Variants in ZFPM1 observed in about 807,000 individuals in gnomAD.
The protein encoded by ZFPM1 is zinc finger protein ZFPM1.
ZFPM1 carries 28 observed loss-of-function variants against 46.3 expected under a neutral mutation model. That is an observed-to-expected ratio of 0.60 (90% confidence interval 0.45 to 0.83). The LOEUF (loss-of-function observed/expected upper bound fraction) is 0.83, where lower values mean the gene tolerates loss of function less well. Ranked by LOEUF, ZFPM1 falls within the 40% of genes least tolerant of loss-of-function variation. ZFPM1 has a pLI of 0.00. For synonymous variants in ZFPM1, 957 were observed against 675.9 expected (o/e 1.42, Z -6.45); for missense variants, 1,878 against 1,432.4 (o/e 1.31, Z -5.02).
At position 88,526,810 on chromosome 16, in the gene ZFPM1, C is replaced by CGG. The variant is rs1567553413; in HGVS notation, c.403-4_403-3insGG. On this transcript the variant is annotated splice_polypyrimidine_tract_variant and splice_region_variant and intron_variant, in intron 4 of 9. Transcript: ENST00000319555. ...CCCCACGTGTTCCTACCCTCCCCCCCCAGAGCCCAGCCCTGACCCTGCTGC... is the reference window on the plus strand; with the variant it reads ...CCCCACGTGTTCCTACCCTCCCCCCCGGCAGAGCCCAGCCCTGACCCTGCTGC... 1.3e-6 allele frequency: 2 copies of CGG among 1,545,732 alleles called. No homozygotes were observed. The highest frequency in any genetic ancestry group is 1.7e-6 in the Non-Finnish European group (2 of 1,143,806).
chr16:88,495,530 G>A (rs890659375), intron 3 of ZFPM1, among the ~76,000 whole-genome samples: 4 of 152,248 alleles, frequency 2.6e-5, no homozygotes, highest in South Asian at 4.1e-4. Flanking sequence ...GGCAGAGAGC[G>A]AGTCTCCCCC....
At chr16:88,499,861 C>T (rs1301330204) in intron 3 of ZFPM1, among the ~76,000 whole-genome samples, 2 of 152,200 alleles carry the variant, frequency 1.3e-5, no homozygotes, top group Middle Eastern at 3.2e-3. Flanking sequence ...CCCCAAGTCC[C>T]GTGGGCTCCC....
At chr16:88,453,705 C>T in intron 1 of ZFPM1, 27 bp downstream of exon 1, 1 of 1,181,726 alleles carries the variant, frequency 8.5e-7, no homozygotes, top group Non-Finnish European at 1.1e-6. Flanking sequence ...CCGCGGTCCC[C>T]TCCGCGCGCC....
Position 88,528,300 on chromosome 16 carries a change from G to C in ZFPM1, c.712+62G>C, listed in dbSNP as rs556033120. Reference sequence around the variant, plus strand: ...CCACCAAGGAGGAGCAGGCAGGGCAGGAGAGGGTGGGAGCTGAGGGTGGGA... The same window carrying C: ...CCACCAAGGAGGAGCAGGCAGGGCACGAGAGGGTGGGAGCTGAGGGTGGGA... On this transcript the variant is annotated intron_variant, in intron 6 of 9. Transcript: ENST00000319555. 1.6e-5 allele frequency: 24 copies of C among 1,487,708 alleles called. No individual in the cohort carries two copies. The Admixed American group carries it at 4.8e-4, about 30-fold the overall frequency. The allele number at this position is 1,487,708 out of a possible 1,614,324, so 92.2% of individuals were successfully genotyped here.
intron 1 of ZFPM1, among the ~76,000 whole-genome samples, chr16:88,461,624 C>T (rs1010654482): frequency 6.6e-6 from 1 of 152,146 alleles, no homozygotes; most frequent in Non-Finnish European, 1.5e-5. Context: ...ACTTTGCTGC[C>T]TCTGGAGCTG....
At chr16:88,531,202 CCT>C (rs1373207313) in intron 6 of ZFPM1, 1 of 152,314 alleles carries the variant, frequency 6.6e-6, no homozygotes, top group Non-Finnish European at 1.5e-5. Flanking sequence ...CCTTCCCTTC[CCT>C]GTCTTCAGCC....
intron 4 of ZFPM1, among the ~76,000 whole-genome samples, chr16:88,519,122 ATGGATGGG>A (rs1481123814): frequency 8.3e-6 from 1 of 119,918 alleles, no homozygotes; most frequent in African/African-American, 3.3e-5. Flanking sequence ...GGATGGATGG[ATGGATGGG>A]TGGATGGATG....
rs1211409036 is a variant in ZFPM1 at position 88,534,988 on chromosome 16, A to G, written c.*9A>G. On this transcript the variant is annotated 3_prime_UTR_variant, in exon 10 of 10. Transcript: ENST00000319555. ...CCGAGCACGTGAAGTGAGCGCCCAC[A>G]CTACAGCCGCAGACGCTTTGCACGC... The G allele has an allele frequency of 2.8e-6, 4 of 1,405,814 alleles. No individual in the cohort carries two copies. Among genetic ancestry groups the G allele is most frequent in the Non-Finnish European group, 2.8e-6 (3 of 1,065,484 alleles). The allele number at this position is 1,405,814 out of a possible 1,614,324, so 87.1% of individuals were successfully genotyped here.
Position 88,497,637 on chromosome 16 carries a change from G to C in ZFPM1, c.268+8484G>C, listed in dbSNP as rs531677180. On this transcript the variant is annotated intron_variant, in intron 3 of 9. Transcript: ENST00000319555. The surrounding 1 kb of genome is among the most constrained non-coding windows in gnomAD (Gnocchi z 5.4). ...ATGGGTACCCTGAAGGGTTTTGTGGGGGGTGTTCGTGCCGTGAGCGATCCG... is the reference window on the plus strand; with the variant it reads ...ATGGGTACCCTGAAGGGTTTTGTGGCGGGTGTTCGTGCCGTGAGCGATCCG... Among the ~76,000 whole-genome samples, 78 of 152,256 alleles carry C rather than the reference G, an allele frequency of 5.1e-4. 1 individual carries two copies. Among genetic ancestry groups the C allele is most frequent in the Admixed American group, 5.1e-3 (78 of 15,300 alleles).
intron 1 of ZFPM1, among the ~76,000 whole-genome samples, chr16:88,463,211 G>A (rs1388080473): frequency 1.3e-5 from 2 of 152,248 alleles, no homozygotes; most frequent in Admixed American, 6.5e-5. Context: ...AAGACCTGCT[G>A]GGTAGTCCTC....
intron 6 of ZFPM1, among the ~76,000 whole-genome samples, chr16:88,530,264 C>G (rs1460888816): frequency 1.3e-5 from 2 of 152,180 alleles, no homozygotes; most frequent in African/African-American, 4.8e-5. Flanking sequence ...GGTCCTTGCC[C>G]ACACAGCCTG....
chr16:88,479,541 C>T (rs1335754018), intron 1 of ZFPM1, among the ~76,000 whole-genome samples: 1 of 152,106 alleles, frequency 6.6e-6, no homozygotes, highest in Non-Finnish European at 1.5e-5. Flanking sequence ...CGGGGCCGTC[C>T]CCGTCTCCTC....
In ZFPM1 at chr16:88,534,316, G is replaced by A. The variant is rs761246860; in HGVS notation, c.2358G>A (p.Ser786=). 25 of 1,322,118 alleles carry A rather than the reference G, an allele frequency of 1.9e-5. No homozygotes were observed. In the East Asian group the frequency reaches 7.2e-4, roughly 38 times the overall value. The allele number at this position is 1,322,118 out of a possible 1,614,324, so 81.9% of individuals were successfully genotyped here. Residue 786 remains serine (S), a synonymous_variant, in exon 10 of 10, where the codon TCG becomes TCA. Transcript: ENST00000319555. ...GSGPGLAPAR[S]PGPAADGPID... is the part of the protein sequence containing the mutation. ...GCCCCGGCCTCGCCCCTGCGCGCTC[G>A]CCCGGCCCCGCGGCCGACGGCCCCA... is the stretch of plus-strand genomic sequence containing the variant.
intron 1 of ZFPM1, among the ~76,000 whole-genome samples, chr16:88,455,418 C>T (rs557591248): frequency 6.9e-4 from 105 of 152,122 alleles, no homozygotes; most frequent in African/African-American, 2.5e-3. Context: ...AAGGCAGGGC[C>T]GCGGACCCTC....
chr16:88,517,184 G>GGATGGGTA (rs1911361539), intron 4 of ZFPM1, among the ~76,000 whole-genome samples: 1 of 12,694 alleles, frequency 7.9e-5, no homozygotes, highest in African/African-American at 1.6e-4. Flanking sequence ...ATGGGTAGAT[G>GGATGGGTA]GATGGATGGA....
chr16:88,501,705 G>A (rs573783395), intron 3 of ZFPM1, among the ~76,000 whole-genome samples: 1 of 145,754 alleles, frequency 6.9e-6, no homozygotes, highest in East Asian at 2.0e-4. Flanking sequence ...CTCTCCCGCA[G>A]GTGCTCTTGA....
Position 88,536,028 on chromosome 16 carries a change from T to C in ZFPM1, c.*1049T>C, listed in dbSNP as rs989264804. On this transcript the variant is annotated 3_prime_UTR_variant, in exon 10 of 10. Transcript: ENST00000319555. ...CTGGAGTCCCTGGGATACTCACGGC[T>C]CATTGCAGCCTTGACCTCGTGAGCT... 1 of 152,176 alleles carries C rather than the reference T, an allele frequency of 6.6e-6. No individual in the cohort carries two copies. Among genetic ancestry groups the C allele is most frequent in the Non-Finnish European group, 1.5e-5 (1 of 68,030 alleles). 9.4% of individuals were successfully genotyped at this position (152,176 alleles called of 1,614,324 possible).
At chr16:88,465,532 A>G (rs548967501) in intron 1 of ZFPM1, among the ~76,000 whole-genome samples, 5 of 152,308 alleles carry the variant, frequency 3.3e-5, no homozygotes, top group African/African-American at 1.2e-4. Context: ...CAGGGTGGGC[A>G]TTTCGCCTGT....
At chr16:88,519,964 T>A (rs1911701828) in intron 4 of ZFPM1, among the ~76,000 whole-genome samples, 1 of 146,460 alleles carries the variant, frequency 6.8e-6, no homozygotes, top group South Asian at 2.2e-4. Flanking sequence ...GATGGATGGA[T>A]GGATGGATAG....
Sources: allele counts gnomAD v4.1 joint callset (sites outside exome capture counted in the v4.1 genomes callset), GRCh38; gene constraint gnomAD v4.1.1; non-coding constraint Gnocchi (gnomAD v3.1); transcripts MANE v1.5; gene names NCBI Gene and HGNC (gene_info 2026-07-23, HGNC 2026-07-21).